Variants in GABRA5 observed in about 807,000 individuals in gnomAD.
The protein encoded by GABRA5 is gamma-aminobutyric acid receptor subunit alpha-5.
GABRA5 carries 18 observed loss-of-function variants against 47.3 expected under a neutral mutation model. That is an observed-to-expected ratio of 0.38 (90% CI 0.26 to 0.56). The LOEUF (loss-of-function observed/expected upper bound fraction) is 0.56, where lower values mean the gene tolerates loss of function less well. GABRA5 is among the 20% of genes least tolerant of loss of function. GABRA5 has a pLI of 0.71. For missense variants in GABRA5, 365 were observed against 599.3 expected, an observed-to-expected ratio of 0.61 and a Z score of 4.08; for synonymous variants, 237 against 229.3, an observed-to-expected ratio of 1.03 and a Z score of -0.30.
intron 6 of GABRA5, among the ~76,000 whole-genome samples, chr15:26,884,789 G>A (rs1397844214): frequency 3.9e-5 from 6 of 152,188 alleles, no homozygotes; most frequent in Admixed American, 3.3e-4. Flanking sequence ...CCTGGGAGCC[G>A]CCTTTTGGAG....
intron 3 of GABRA5, among the ~76,000 whole-genome samples, chr15:26,875,262 G>A (rs1276767787): frequency 6.6e-6 from 1 of 152,190 alleles, no homozygotes; most frequent in Non-Finnish European, 1.5e-5. Context: ...CCTGAGCACA[G>A]TAAGGTCATT....
At position 26,948,109 on chromosome 15, in the gene GABRA5, T is replaced by A; in HGVS notation, c.1265T>A (p.Ile422Asn). Reference sequence around the variant, plus strand: ...GAAAGCAAAAAGACTTACAACAGTATCAGCAAAATTGACAAAATGTCCCGA... The same window carrying A: ...GAAAGCAAAAAGACTTACAACAGTAACAGCAAAATTGACAAAATGTCCCGA... ...TSESKKTYNS[I>N]SKIDKMSRIV... Residue 422 changes from isoleucine (I) to asparagine (N), a missense_variant, in exon 11 of 11, where the codon ATC becomes AAC. This residue lies in a region of GABRA5 where 106 missense variants were observed against 130.3 expected (regional missense o/e 0.81). Transcript: ENST00000335625. The A allele has an allele frequency of 1.2e-6, 2 of 1,613,096 alleles. No homozygotes were observed. The highest frequency in any genetic ancestry group is 1.7e-6 in the Non-Finnish European group (2 of 1,179,538).
At chr15:26,917,832 T>C (rs539001051) in intron 7 of GABRA5, among the ~76,000 whole-genome samples, 4 of 152,144 alleles carry the variant, frequency 2.6e-5, no homozygotes, top group Non-Finnish European at 5.9e-5. Flanking sequence ...TTCTAGATTA[T>C]TCATTTTATT....
chr15:26,938,039 G>A (rs1894289295), intron 8 of GABRA5, among the ~76,000 whole-genome samples: 4 of 152,230 alleles, frequency 2.6e-5, no homozygotes, highest in Admixed American at 2.6e-4. Context: ...GAGGGAGGGG[G>A]CCCTGATGGC....
intron 6 of GABRA5, among the ~76,000 whole-genome samples, chr15:26,891,430 C>G (rs1157725610): frequency 6.6e-6 from 1 of 152,158 alleles, no homozygotes; most frequent in Non-Finnish European, 1.5e-5. Context: ...AAGTGCCAAA[C>G]CTCCTGGCCT....
intron 3 of GABRA5, among the ~76,000 whole-genome samples, chr15:26,869,838 T>G (rs1261985327): frequency 6.6e-6 from 1 of 152,238 alleles, no homozygotes; most frequent in Non-Finnish European, 1.5e-5. Flanking sequence ...TGAATGCAGG[T>G]GCAGACACCA....
chr15:26,912,337 G>C (rs1465541412), intron 6 of GABRA5, among the ~76,000 whole-genome samples: 1 of 152,206 alleles, frequency 6.6e-6, no homozygotes, highest in Admixed American at 6.5e-5. Context: ...GACCCGTTGA[G>C]ATTCTCTGTT....
At position 26,948,063 on chromosome 15, in the gene GABRA5, C is replaced by A. The variant is rs1354666309; in HGVS notation, c.1219C>A (p.Pro407Thr). The A allele has an allele frequency of 2.5e-6, 4 of 1,609,970 alleles. No individual in the cohort carries two copies. The East Asian group carries it at 8.9e-5, about 36-fold the overall frequency. Residue 407 changes from proline (P) to threonine (T), a missense_variant, in exon 11 of 11, where the codon CCC becomes ACC. Pro to Thr is a conservative substitution (Grantham distance 38). This residue lies in a region of GABRA5 where 106 missense variants were observed against 130.3 expected (regional missense o/e 0.81). Coordinates refer to ENST00000335625, the MANE Select transcript of GABRA5 (RefSeq NM_000810.4). ...GAATACAACCTCAGTCTCAGTAAAA[C>A]CCTCTGAAGAGAAGACTTCTGAAAG... ...TSNTTSVSVK[P>T]SEEKTSESKK...
At chr15:26,900,980 C>T (rs1433113934) in intron 6 of GABRA5, among the ~76,000 whole-genome samples, 1 of 152,144 alleles carries the variant, frequency 6.6e-6, no homozygotes, top group Non-Finnish European at 1.5e-5. Flanking sequence ...CAAACTGGCT[C>T]ACTTCACTTA....
intron 6 of GABRA5, among the ~76,000 whole-genome samples, chr15:26,910,687 A>G (rs1443249317): frequency 1.3e-5 from 2 of 152,198 alleles, no homozygotes; most frequent in Non-Finnish European, 2.9e-5. Context: ...GAATGCTTGA[A>G]TGTCTTAACA....
intron 6 of GABRA5, among the ~76,000 whole-genome samples, chr15:26,893,587 C>T (rs939769821): frequency 1.3e-5 from 2 of 151,930 alleles, no homozygotes; most frequent in South Asian, 2.1e-4. Context: ...CCTTCCTCTG[C>T]CTCGTGTCCT....
intron 7 of GABRA5, among the ~76,000 whole-genome samples, chr15:26,925,989 A>C (rs1373433952): frequency 6.6e-6 from 1 of 152,200 alleles, no homozygotes; most frequent in African/African-American, 2.4e-5. Flanking sequence ...TGTATACATC[A>C]CTGTGGGCCT....
In GABRA5 at chr15:26,948,140, A is replaced by G; in HGVS notation, c.1296A>G (p.Val432=). 1 of 1,613,832 alleles carries G rather than the reference A, an allele frequency of 6.2e-7. No homozygotes were observed. Among genetic ancestry groups the G allele is most frequent in the Non-Finnish European group, 8.5e-7 (1 of 1,179,832 alleles). ...ISKIDKMSRI[V]FPVLFGTFNL... ...AAATTGACAAAATGTCCCGAATCGT[A>G]TTCCCAGTCTTGTTCGGCACTTTCA... The change falls in exon 11 of 11, where the codon GTA becomes GTG. Residue 432 remains valine, a synonymous_variant. Coordinates refer to ENST00000335625, the MANE Select transcript of GABRA5 (RefSeq NM_000810.4).
chr15:26,913,497 T>C lies in GABRA5; in HGVS notation c.498-1306T>C, dbSNP rs188961619. Among the ~76,000 whole-genome samples the C allele has an allele frequency of 3.9e-5, 6 of 152,266 alleles. No individual in the cohort carries two copies. The East Asian group carries it at 1.2e-3, about 30-fold the overall frequency. On this transcript the variant is annotated intron_variant, in intron 6 of 10. Coordinates refer to ENST00000335625, the MANE Select transcript of GABRA5 (RefSeq NM_000810.4). ...AGGAAGTAGTAAAAGCAAAAATGGA[T>C]GTTTATGTTTTGATTCTCACCCTAG...
intron 3 of GABRA5, among the ~76,000 whole-genome samples, chr15:26,873,542 T>C (rs2140244384): frequency 1.3e-5 from 2 of 152,340 alleles, no homozygotes; most frequent in East Asian, 3.9e-4. Context: ...TTTATCTGTC[T>C]ACACAAGTGT....
intron 7 of GABRA5, among the ~76,000 whole-genome samples, chr15:26,932,497 A>G (rs1758178119): frequency 6.6e-6 from 1 of 152,224 alleles, no homozygotes; most frequent in Admixed American, 6.5e-5. Flanking sequence ...AGAAATAGGA[A>G]TGAGTTTACA....
intron 3 of GABRA5, among the ~76,000 whole-genome samples, chr15:26,875,206 C>T (rs1297414160): frequency 6.6e-6 from 1 of 152,188 alleles, no homozygotes; most frequent in Non-Finnish European, 1.5e-5. Context: ...CCAGGAGACT[C>T]CTGGGGTTTA....
rs1171341187 is a variant in GABRA5 at position 26,920,192 on chromosome 15, G to A, written c.580+5307G>A. 3.3e-5 allele frequency among the ~76,000 whole-genome samples: 5 copies of A among 151,962 alleles called. No individual in the cohort carries two copies. In the East Asian group the frequency reaches 9.7e-4, roughly 29 times the overall value. ...CTTTAAATAAGCTTTTGTTGTTGTT[G>A]TTGTTGTTGTTGTTCTTTCTCTCTC... is the stretch of plus-strand genomic sequence containing the variant. On this transcript the variant is annotated intron_variant, in intron 7 of 10. Transcript: ENST00000335625.
intron 7 of GABRA5, among the ~76,000 whole-genome samples, chr15:26,927,371 C>CA (rs1199104679): frequency 2.6e-5 from 4 of 151,890 alleles, no homozygotes; most frequent in Non-Finnish European, 4.4e-5. Context: ...CTCGGCCTCT[C>CA]AAAGTGCTGG....
Sources: allele counts gnomAD v4.1 joint callset (sites outside exome capture counted in the v4.1 genomes callset), GRCh38; gene constraint gnomAD v4.1.1; regional missense constraint gnomAD v4.1.1; transcripts MANE v1.5; gene names NCBI Gene and HGNC (gene_info 2026-07-23, HGNC 2026-07-21).